Variants in GRM5 observed in about 807,000 individuals in gnomAD.
GRM5 encodes metabotropic glutamate receptor 5.
Under a neutral mutation model 83.1 loss-of-function variants are expected in GRM5, and 19 were observed. The ratio of observed to expected loss-of-function variants is 0.23; its 90% CI spans 0.16 to 0.34. The LOEUF (loss-of-function observed/expected upper bound fraction) is 0.34, where lower values mean the gene tolerates loss of function less well. Ranked by LOEUF, GRM5 falls within the 10% of genes least tolerant of loss-of-function variation. The pLI, the probability that GRM5 is intolerant of heterozygous loss-of-function variation, is 1.00. For synonymous variants in GRM5, 675 were observed against 633.6 expected, an observed-to-expected ratio of 1.07 and a Z score of -0.98; for missense variants, 1,160 against 1,588.3, an observed-to-expected ratio of 0.73 and a Z score of 4.58.
intron 8 of GRM5, among the ~76,000 whole-genome samples, chr11:88,542,960 A>G (rs914261557): frequency 2.0e-5 from 3 of 152,094 alleles, no homozygotes; most frequent in Non-Finnish European, 1.5e-5. Context: ...CCCAGCTACA[A>G]AGGAGGCTGA....
chr11:89,008,270 C>T (rs1426368294), intron 2 of GRM5, among the ~76,000 whole-genome samples: 3 of 152,046 alleles, frequency 2.0e-5, no homozygotes, highest in Non-Finnish European at 4.4e-5. Flanking sequence ...ATTTACTTTA[C>T]TAACCAAAAT....
intron 2 of GRM5, among the ~76,000 whole-genome samples, chr11:88,908,419 A>G (rs377562456): frequency 7.9e-5 from 12 of 152,270 alleles, no homozygotes; most frequent in Non-Finnish European, 1.3e-4. Flanking sequence ...TAGTGACTGC[A>G]TGCTTACTAC....
At chr11:88,909,644 C>T (rs1397947682) in intron 2 of GRM5, among the ~76,000 whole-genome samples, 1 of 151,694 alleles carries the variant, frequency 6.6e-6, no homozygotes, top group Non-Finnish European at 1.5e-5. Flanking sequence ...TCTATGTTTG[C>T]TTGTTGTTTC....
intron 1 of GRM5, among the ~76,000 whole-genome samples, chr11:89,065,499 C>T (rs1187600743): frequency 6.6e-6 from 1 of 151,970 alleles, no homozygotes; most frequent in East Asian, 1.9e-4. Flanking sequence ...CCCATTGGAG[C>T]GATACCGCGG....
intron 2 of GRM5, among the ~76,000 whole-genome samples, chr11:88,862,679 CAT>C (rs2135552467): frequency 6.6e-6 from 1 of 152,150 alleles, no homozygotes; most frequent in South Asian, 2.1e-4. Flanking sequence ...TTCTGGGACA[CAT>C]GTGCAGGATG....
intron 2 of GRM5, among the ~76,000 whole-genome samples, chr11:88,880,920 T>C (rs1565274685): frequency 1.3e-5 from 2 of 152,228 alleles, no homozygotes; most frequent in East Asian, 1.9e-4. Context: ...GCAATACCTA[T>C]CTTATAGAAT....
At chr11:88,558,455 G>A (rs2135157707) in intron 8 of GRM5, among the ~76,000 whole-genome samples, 1 of 152,100 alleles carries the variant, frequency 6.6e-6, no homozygotes, top group South Asian at 2.1e-4. Context: ...GGGATAGGTG[G>A]GATTTGGAAA....
chr11:88,684,991 T>C (rs1940583434), intron 3 of GRM5, among the ~76,000 whole-genome samples: 1 of 152,160 alleles, frequency 6.6e-6, no homozygotes, highest in South Asian at 2.1e-4. Flanking sequence ...AAGAGTGGGA[T>C]GTTACTGAAA....
chr11:88,559,127 C>T (rs917974556), intron 8 of GRM5, among the ~76,000 whole-genome samples: 5 of 152,092 alleles, frequency 3.3e-5, no homozygotes, highest in Non-Finnish European at 5.9e-5. Flanking sequence ...AAATCACCAC[C>T]AAATTTCAGG....
chr11:88,858,386 C>T (rs1944507846), intron 2 of GRM5, among the ~76,000 whole-genome samples: 1 of 151,944 alleles, frequency 6.6e-6, no homozygotes, highest in South Asian at 2.1e-4. Context: ...GGAATACTAA[C>T]CAGGGCTACT....
At chr11:88,955,515 A>G (rs898547492) in intron 2 of GRM5, among the ~76,000 whole-genome samples, 2 of 152,240 alleles carry the variant, frequency 1.3e-5, no homozygotes, top group African/African-American at 4.8e-5. Flanking sequence ...TTTCCACAGC[A>G]TACAGAAAAT....
intron 8 of GRM5, among the ~76,000 whole-genome samples, chr11:88,526,254 T>C (rs1227079284): frequency 6.6e-6 from 1 of 152,242 alleles, no homozygotes; most frequent in Non-Finnish European, 1.5e-5. Flanking sequence ...ATTACTCTTC[T>C]ACGTGGTGCA....
intron 8 of GRM5, among the ~76,000 whole-genome samples, chr11:88,548,042 C>T (rs1331173853): frequency 6.6e-6 from 1 of 152,022 alleles, no homozygotes. Flanking sequence ...AATGTGTGTC[C>T]AGGTGATTGA....
intron 3 of GRM5, among the ~76,000 whole-genome samples, chr11:88,818,688 G>T (rs905914978): frequency 1.3e-5 from 2 of 152,050 alleles, no homozygotes; most frequent in Admixed American, 6.6e-5. Context: ...TCTGAAAGTA[G>T]CTCTAATAAA....
intron 7 of GRM5, among the ~76,000 whole-genome samples, chr11:88,569,310 G>A (rs1432828657): frequency 2.6e-5 from 4 of 152,206 alleles, no homozygotes; most frequent in African/African-American, 9.6e-5. Flanking sequence ...CACTGAGTAA[G>A]TAGGAAAGGA....
intron 4 of GRM5, among the ~76,000 whole-genome samples, chr11:88,633,814 A>G (rs1298274579): frequency 6.6e-6 from 1 of 152,198 alleles, no homozygotes; most frequent in Non-Finnish European, 1.5e-5. Flanking sequence ...AGCCACCGTA[A>G]CTAGCTAAAA....
intron 2 of GRM5, among the ~76,000 whole-genome samples, chr11:88,987,954 TCTC>T (rs1273409016): frequency 1.1e-4 from 16 of 150,310 alleles, no homozygotes; most frequent in African/African-American, 4.0e-4. Context: ...GCAGAGGGCC[TCTC>T]CTCCTCCAAA....
intron 4 of GRM5, among the ~76,000 whole-genome samples, chr11:88,649,637 T>C (rs1416989973): frequency 6.6e-6 from 1 of 150,774 alleles, no homozygotes; most frequent in Non-Finnish European, 1.5e-5. Context: ...GAAATGACAT[T>C]TTTTAAGAAA....
chr11:88,649,261 A>ATATATAT (rs1161605834), intron 4 of GRM5, among the ~76,000 whole-genome samples: 10 of 77,598 alleles, frequency 1.3e-4, no homozygotes, highest in African/African-American at 2.7e-4. Flanking sequence ...TATGTATTAC[A>ATATATAT]TATATATTAT....
Sources: gnomAD v4.1 joint callset for allele counts (sites outside exome capture counted in the v4.1 genomes callset) on GRCh38, gnomAD v4.1.1 for gene constraint, MANE v1.5 for transcripts, NCBI Gene and HGNC (gene_info 2026-07-23, HGNC 2026-07-21) for gene names.